CCSER1: variants seen among roughly 807,000 people sequenced by gnomAD.
The protein encoded by CCSER1 is serine-rich coiled-coil domain-containing protein 1.
In CCSER1, 41 loss-of-function variants were observed where a neutral mutation model predicts 82.0. The ratio of observed to expected loss-of-function variants is 0.50; its 90% confidence interval spans 0.39 to 0.65. The LOEUF (loss-of-function observed/expected upper bound fraction) is 0.65, where lower values mean the gene tolerates loss of function less well. Among genes scored for constraint, CCSER1 ranks in the 30% least tolerant of loss-of-function variants. The pLI, the probability that CCSER1 is intolerant of heterozygous loss-of-function variation, is 0.00. For missense variants in CCSER1, 1,119 were observed against 1,064.2 expected (o/e 1.05, Z -0.72); for synonymous variants, 414 against 383.9 (o/e 1.08, Z -0.92).
chr4:91,261,011 C>T (rs1320229018), intron 10 of CCSER1, among the ~76,000 whole-genome samples: 1 of 152,184 alleles, frequency 6.6e-6, no homozygotes, highest in South Asian at 2.1e-4. Flanking sequence ...GATCCGCCCT[C>T]CTCAGCCTCC....
chr4:91,174,860 A>G (rs1733152251), intron 10 of CCSER1, among the ~76,000 whole-genome samples: 1 of 150,008 alleles, frequency 6.7e-6, no homozygotes, highest in Admixed American at 6.7e-5. Context: ...TCTAGGGTAC[A>G]TGTGCACGAC....
chr4:90,969,769 A>G (rs532440245), intron 9 of CCSER1, among the ~76,000 whole-genome samples: 10 of 152,006 alleles, frequency 6.6e-5, no homozygotes, highest in Non-Finnish European at 8.8e-5. Context: ...TATATAGTTA[A>G]TGTCATAATT....
chr4:90,830,121 G>A (rs1015793391), intron 8 of CCSER1, among the ~76,000 whole-genome samples: 2 of 152,164 alleles, frequency 1.3e-5, no homozygotes, highest in Admixed American at 1.3e-4. Flanking sequence ...ACCATCACCG[G>A]ACATTTCTAG....
Position 90,700,178 on chromosome 4 carries a change from C to T in CCSER1, c.1933-23736C>T, listed in dbSNP as rs57965672. ...ACAGGCCCCGGTGTGTAATGTTCCC[C>T]TTCCTGTGTCCAAGTGTTCTCATTG... On this transcript the variant is annotated intron_variant, in intron 6 of 10. Coordinates refer to ENST00000509176, the MANE Select transcript of CCSER1 (RefSeq NM_001145065.2). 6.1e-3 allele frequency among the ~76,000 whole-genome samples: 924 copies of T among 152,124 alleles called. 5 individuals carry two copies. The highest frequency in any genetic ancestry group is 0.017 in the African/African-American group (687 of 41,492).
intron 1 of CCSER1, among the ~76,000 whole-genome samples, chr4:90,304,177 G>A (rs978364643): frequency 1.3e-5 from 2 of 152,146 alleles, no homozygotes; most frequent in African/African-American, 4.8e-5. Flanking sequence ...TGGAGAAATA[G>A]GAACACTTTT....
intron 10 of CCSER1, among the ~76,000 whole-genome samples, chr4:91,114,747 A>G (rs552109692): frequency 1.3e-5 from 2 of 152,274 alleles, no homozygotes; most frequent in Non-Finnish European, 2.9e-5. Flanking sequence ...AGTTTAGTCA[A>G]TTTCAGTATC....
intron 7 of CCSER1, among the ~76,000 whole-genome samples, chr4:90,796,046 G>A (rs1358966442): frequency 6.6e-6 from 1 of 151,626 alleles, no homozygotes; most frequent in Non-Finnish European, 1.5e-5. Flanking sequence ...TCAGTTATGT[G>A]GGATAGTTTC....
At chr4:91,398,928 G>A (rs958028389) in intron 10 of CCSER1, among the ~76,000 whole-genome samples, 5 of 151,904 alleles carry the variant, frequency 3.3e-5, no homozygotes, top group African/African-American at 9.7e-5. Context: ...AGGAGCACTA[G>A]TCCAGAGCTT....
chr4:91,521,042 C>T (rs772569258), intron 10 of CCSER1, among the ~76,000 whole-genome samples: 3 of 152,230 alleles, frequency 2.0e-5, no homozygotes, highest in South Asian at 2.1e-4. Context: ...CCCAGACCCC[C>T]GCCCCTGACA....
At chr4:90,589,026 T>G (rs914298103) in intron 5 of CCSER1, among the ~76,000 whole-genome samples, 1 of 152,092 alleles carries the variant, frequency 6.6e-6, no homozygotes, top group Non-Finnish European at 1.5e-5. Context: ...TATAATGGAG[T>G]CCCTATCCAT....
At chr4:91,374,166 T>C (rs912629119) in intron 10 of CCSER1, among the ~76,000 whole-genome samples, 3 of 152,118 alleles carry the variant, frequency 2.0e-5, no homozygotes, top group Non-Finnish European at 4.4e-5. Context: ...ATCTAGTAGA[T>C]GTAGCTAAGA....
At position 91,290,227 on chromosome 4, in the gene CCSER1, A is replaced by C. The variant is rs144072584; in HGVS notation, c.2217+204233A>C. On this transcript the variant is annotated intron_variant, in intron 10 of 10. Transcript: ENST00000509176. The stretch of plus-strand genomic sequence containing the variant: ...CTGCACTATGAGAAATGTTAAGGGA[A>C]GAAATTAACACTGGGAGTGGAATGA... Among the ~76,000 whole-genome samples, 122 of 152,166 alleles carry C rather than the reference A, an allele frequency of 8.0e-4. 3 individuals carry two copies. In the East Asian group the frequency reaches 0.023, roughly 29 times the overall value.
chr4:90,659,412 C>T (rs1420685719), intron 6 of CCSER1, among the ~76,000 whole-genome samples: 1 of 152,012 alleles, frequency 6.6e-6, no homozygotes, highest in African/African-American at 2.4e-5. Flanking sequence ...AATTGTACTT[C>T]ATAAATTTAG....
At chr4:90,243,416 T>A (rs1457660067) in intron 1 of CCSER1, among the ~76,000 whole-genome samples, 1 of 151,812 alleles carries the variant, frequency 6.6e-6, no homozygotes. Context: ...GCTCAGCTAA[T>A]TTTTGTATTT....
chr4:91,585,702 G>A (rs763659927), intron 10 of CCSER1, among the ~76,000 whole-genome samples: 7 of 151,464 alleles, frequency 4.6e-5, no homozygotes, highest in South Asian at 2.1e-4. Flanking sequence ...GGCTAAAAGC[G>A]TAAAGGACCT....
chr4:90,698,541 ATTCT>A (rs757598218), intron 6 of CCSER1, among the ~76,000 whole-genome samples: 65 of 152,318 alleles, frequency 4.3e-4, no homozygotes, highest in Admixed American at 7.8e-4. Context: ...GCATTTCGTC[ATTCT>A]TTCTTTCTCT....
At chr4:90,887,942 G>A (rs1335910060) in intron 8 of CCSER1, among the ~76,000 whole-genome samples, 1 of 151,956 alleles carries the variant, frequency 6.6e-6, no homozygotes, top group Non-Finnish European at 1.5e-5. Context: ...CAATGACAGA[G>A]AGATCAACAC....
intron 5 of CCSER1, among the ~76,000 whole-genome samples, chr4:90,547,322 A>C (rs1776890828): frequency 6.6e-6 from 1 of 152,016 alleles, no homozygotes; most frequent in African/African-American, 2.4e-5. Context: ...ACTCTTTTGA[A>C]ACTGTTTCTA....
intron 7 of CCSER1, among the ~76,000 whole-genome samples, chr4:90,732,838 C>G (rs1376466689): frequency 6.6e-6 from 1 of 152,160 alleles, no homozygotes; most frequent in African/African-American, 2.4e-5. Context: ...CAGCTCCATC[C>G]CTGTTGTTAC....
Sources: allele counts gnomAD v4.1 joint callset (sites outside exome capture counted in the v4.1 genomes callset), GRCh38; gene constraint gnomAD v4.1.1; transcripts MANE v1.5; gene names NCBI Gene and HGNC (gene_info 2026-07-23, HGNC 2026-07-21).